KHDRBS2: variants seen among roughly 807,000 people sequenced by gnomAD.
The protein encoded by KHDRBS2 is KH domain-containing, RNA-binding, signal transduction-associated protein 2.
A neutral mutation model predicts 44.3 loss-of-function variants in KHDRBS2; 26 were observed. The observed-to-expected ratio is 0.59, with a 90% CI of 0.43 to 0.81. The LOEUF (loss-of-function observed/expected upper bound fraction) is 0.81. Ranked by LOEUF, KHDRBS2 falls within the 40% of genes least tolerant of loss-of-function variation. KHDRBS2 has a pLI of 0.00. For synonymous variants in KHDRBS2, 194 were observed against 151.1 expected (o/e 1.28, Z -2.08); for missense variants, 476 against 433.1 (o/e 1.10, Z -0.88).
the KHDRBS2 span, among the ~76,000 whole-genome samples, chr6:61,624,352 C>T: frequency 6.6e-6 from 1 of 152,168 alleles, no homozygotes; most frequent in African/African-American, 2.4e-5. Context: ...AATGGTCAAC[C>T]TTCCAACAAC....
At chr6:61,602,590 C>T in the KHDRBS2 span, among the ~76,000 whole-genome samples, 14 of 152,262 alleles carry the variant, frequency 9.2e-5, no homozygotes, top group Admixed American at 3.3e-4. Context: ...ACTGCCCGAT[C>T]GCCTCAGAAG....
chr6:61,995,971 C>G (rs1777087558), intron 3 of KHDRBS2, among the ~76,000 whole-genome samples: 1 of 152,096 alleles, frequency 6.6e-6, no homozygotes, highest in Non-Finnish European at 1.5e-5. Flanking sequence ...AGACTTCCAT[C>G]AATGCATGCT....
intron 2 of KHDRBS2, among the ~76,000 whole-genome samples, chr6:62,060,279 G>A (rs1430822950): frequency 6.6e-6 from 1 of 151,780 alleles, no homozygotes; most frequent in South Asian, 2.1e-4. Context: ...GGTTTGAATT[G>A]AGGGATGGGC....
At chr6:61,811,635 A>G (rs1023302852) in intron 6 of KHDRBS2, among the ~76,000 whole-genome samples, 3 of 152,138 alleles carry the variant, frequency 2.0e-5, no homozygotes, top group Admixed American at 6.6e-5. Flanking sequence ...TTTCTAATAG[A>G]CAGTCTGACC....
At chr6:62,277,780 G>C (rs570037883) in intron 1 of KHDRBS2, among the ~76,000 whole-genome samples, 99 of 152,252 alleles carry the variant, frequency 6.5e-4, no homozygotes, top group African/African-American at 2.3e-3. Flanking sequence ...TTTTATGATT[G>C]TTTATTATCT....
chr6:61,969,416 C>A (rs1192446), intron 4 of KHDRBS2, among the ~76,000 whole-genome samples: 71,044 of 151,814 alleles, frequency 0.47, 16,826 homozygotes, highest in Admixed American at 0.53. Context: ...TTTGTTGTAA[C>A]AATGTGTCTG....
chr6:61,847,674 T>C (rs1230151234), intron 6 of KHDRBS2, among the ~76,000 whole-genome samples: 8 of 152,134 alleles, frequency 5.3e-5, no homozygotes, highest in African/African-American at 1.7e-4. Context: ...GTGGATTACC[T>C]GTGATCTGCA....
chr6:61,954,545 T>C (rs1248818116), intron 4 of KHDRBS2, among the ~76,000 whole-genome samples: 1 of 147,454 alleles, frequency 6.8e-6, no homozygotes, highest in African/African-American at 2.5e-5. Context: ...TGTATACATA[T>C]ATATGTATAT....
At chr6:62,121,792 C>T (rs1040108026) in intron 2 of KHDRBS2, among the ~76,000 whole-genome samples, 2 of 152,128 alleles carry the variant, frequency 1.3e-5, no homozygotes, top group Non-Finnish European at 2.9e-5. Flanking sequence ...AGCAAACACA[C>T]TGGAGTTATT....
chr6:61,669,431 T>C, the KHDRBS2 span, among the ~76,000 whole-genome samples: 1 of 150,886 alleles, frequency 6.6e-6, no homozygotes, highest in Non-Finnish European at 1.5e-5. Flanking sequence ...AATATATATT[T>C]GCTTATAAAT....
At chr6:61,920,025 TA>T (rs1450223993) in intron 4 of KHDRBS2, among the ~76,000 whole-genome samples, 1 of 152,076 alleles carries the variant, frequency 6.6e-6, no homozygotes, top group African/African-American at 2.4e-5. Context: ...CCCAAGAGCT[TA>T]AAGTAGATAA....
intron 3 of KHDRBS2, among the ~76,000 whole-genome samples, chr6:62,006,221 G>C (rs1210863537): frequency 1.3e-5 from 2 of 151,944 alleles, no homozygotes; most frequent in Non-Finnish European, 2.9e-5. Flanking sequence ...GAACTACAGA[G>C]ACTGACACAG....
In KHDRBS2 at chr6:61,848,479, ATATATATATATG is replaced by A. The variant is rs1195147656; in HGVS notation, c.810+46144_810+46155del. On this transcript the variant is annotated intron_variant, in intron 6 of 8. Coordinates refer to ENST00000281156, the MANE Select transcript of KHDRBS2 (RefSeq NM_152688.4). ...AGAGAAATGGAGGTTTTATATATAT[ATATATATATATG>A]TATATATATATATATATATGTATAT... is the stretch of plus-strand genomic sequence containing the variant. Among the ~76,000 whole-genome samples, 437 of 52,570 alleles carry A rather than the reference ATATATATATATG, an allele frequency of 8.3e-3. 20 individuals carry two copies. The highest frequency in any genetic ancestry group is 0.05 in the African/African-American group (421 of 8,462). The allele number at this position is 52,570 out of a possible 152,430, so 34.5% of individuals were successfully genotyped here.
At chr6:62,093,291 A>T (rs575606345) in intron 2 of KHDRBS2, among the ~76,000 whole-genome samples, 1 of 152,040 alleles carries the variant, frequency 6.6e-6, no homozygotes, top group African/African-American at 2.4e-5. Context: ...ACTAAATCCA[A>T]GAATAAAATT....
At chr6:61,899,281 C>G (rs2127340037) in intron 5 of KHDRBS2, among the ~76,000 whole-genome samples, 1 of 151,956 alleles carries the variant, frequency 6.6e-6, no homozygotes, top group East Asian at 1.9e-4. Flanking sequence ...AAGAATATCT[C>G]TTATTCATTT....
At chr6:62,257,315 C>T (rs1164499358) in intron 1 of KHDRBS2, among the ~76,000 whole-genome samples, 2 of 152,054 alleles carry the variant, frequency 1.3e-5, no homozygotes, top group Admixed American at 1.3e-4. Context: ...ATGTAAAACA[C>T]TGCAATATTG....
the KHDRBS2 span, among the ~76,000 whole-genome samples, chr6:61,660,304 C>T: frequency 1.3e-5 from 2 of 151,726 alleles, no homozygotes; most frequent in Admixed American, 1.3e-4. Flanking sequence ...CTGTTTTCTT[C>T]CAAACTCCTC....
intron 6 of KHDRBS2, chr6:61,813,863 T>C: frequency 4.4e-6 from 2 of 453,906 alleles, no homozygotes; most frequent in South Asian, 3.1e-5. Context: ...TGCATAGAAG[T>C]AGTAGTATGA....
the KHDRBS2 span, among the ~76,000 whole-genome samples, chr6:61,560,989 G>C: frequency 6.6e-6 from 1 of 152,058 alleles, no homozygotes; most frequent in African/African-American, 2.4e-5. Context: ...ACAGGTACTT[G>C]GGTGCTGTGA....
Sources: gnomAD v4.1 joint callset for allele counts (sites outside exome capture counted in the v4.1 genomes callset) on GRCh38, gnomAD v4.1.1 for gene constraint, MANE v1.5 for transcripts, NCBI Gene and HGNC (gene_info 2026-07-23, HGNC 2026-07-21) for gene names.